Variants in RPTOR observed in about 807,000 individuals in gnomAD.
RPTOR encodes regulatory associated protein of MTOR complex 1.
RPTOR carries 21 observed loss-of-function variants against 169.9 expected under a neutral mutation model. The observed-to-expected ratio is 0.12, with a 90% CI of 0.09 to 0.18. The LOEUF is 0.18. Ranked by LOEUF, RPTOR falls within the 10% of genes least tolerant of loss-of-function variation. RPTOR has a pLI of 1.00. For synonymous variants in RPTOR, 732 were observed against 753.2 expected (o/e 0.97, Z 0.46); for missense variants, 1,133 against 1,855.9 (o/e 0.61, Z 7.16).
chr17:80,884,546 A>G (rs943469705), intron 16 of RPTOR, among the ~76,000 whole-genome samples: 1 of 152,182 alleles, frequency 6.6e-6, no homozygotes, highest in Non-Finnish European at 1.5e-5. Context: ...GGGCTAAGCC[A>G]GGGTCCCCGG....
chr17:80,608,736 G>A (rs908848472), intron 1 of RPTOR, among the ~76,000 whole-genome samples: 7 of 152,170 alleles, frequency 4.6e-5, no homozygotes, highest in South Asian at 4.1e-4. Flanking sequence ...GTGATGGTGC[G>A]CTGAGGCCCA....
At position 80,885,139 on chromosome 17, in the gene RPTOR, G is replaced by T. The variant is rs1480395492; in HGVS notation, c.1974G>T (p.Met658Ile). The T allele has an allele frequency of 2.6e-6, 4 of 1,555,418 alleles. No individual in the cohort carries two copies. The highest frequency in any genetic ancestry group is 3.5e-6 in the Non-Finnish European group (4 of 1,149,604). Residue 658 changes from methionine (M) to isoleucine (I), a missense_variant, in exon 17 of 34, where the codon ATG becomes ATT. Met to Ile is a conservative substitution (Grantham distance 10). Transcript: ENST00000306801. Reference protein sequence around the residue: ...LAQLVSDGSPMVRKELVVALS... With the variant: ...LAQLVSDGSPIVRKELVVALS... ...AGCTGGTCAGCGACGGGAGCCCCAT[G>T]GTCCGGAAGGTGCGTGAACCCCCAG...
chr17:80,902,856 C>A (rs539023295), intron 20 of RPTOR, among the ~76,000 whole-genome samples: 1 of 152,384 alleles, frequency 6.6e-6, no homozygotes, highest in Non-Finnish European at 1.5e-5. Context: ...CCTTCCCTCC[C>A]GAAACCCTGC....
Position 80,860,608 on chromosome 17 carries a change from C to T in RPTOR, c.1509+2708C>T, listed in dbSNP as rs1598359041. Among the ~76,000 whole-genome samples the T allele has an allele frequency of 6.6e-6, 1 of 152,060 alleles. No individual in the cohort carries two copies. Among genetic ancestry groups the T allele is most frequent in the Non-Finnish European group, 1.5e-5 (1 of 68,006 alleles). Reference sequence around the variant, plus strand: ...GTGGGGAGGCTGCTGCCGAAGCGGACGGTGAGGGCTTCCACCTTGGAGGCA... The same window carrying T: ...GTGGGGAGGCTGCTGCCGAAGCGGATGGTGAGGGCTTCCACCTTGGAGGCA... On this transcript the variant is annotated intron_variant, in intron 13 of 33. Coordinates refer to ENST00000306801, the MANE Select transcript of RPTOR (RefSeq NM_020761.3). This position sits in a 1 kb window ranked among gnomAD's most constrained non-coding sequence, Gnocchi z 5.8.
chr17:80,891,105 A>G (rs968314200), intron 17 of RPTOR, among the ~76,000 whole-genome samples: 1 of 152,220 alleles, frequency 6.6e-6, no homozygotes, highest in Non-Finnish European at 1.5e-5. Flanking sequence ...TTCCTGTCAC[A>G]GCACTGAACT....
intron 1 of RPTOR, among the ~76,000 whole-genome samples, chr17:80,577,530 C>T (rs1197643281): frequency 6.6e-6 from 1 of 151,928 alleles, no homozygotes; most frequent in African/African-American, 2.4e-5. Flanking sequence ...CCCCCTGCCT[C>T]GGCCTCCCAA....
chr17:80,923,345 A>C, intron 22 of RPTOR, 145 bp from the exon 23 acceptor site: 1 of 854,048 alleles, frequency 1.2e-6, no homozygotes, highest in Non-Finnish European at 1.9e-6. Context: ...TTCGGGAGCC[A>C]TGATGGCATG....
intron 1 of RPTOR, among the ~76,000 whole-genome samples, chr17:80,623,595 G>A (rs1599609946): frequency 6.6e-6 from 1 of 151,962 alleles, no homozygotes; most frequent in African/African-American, 2.4e-5. Context: ...GAGTGCAGTG[G>A]TACCGTCTCG....
At chr17:80,593,206 G>A (rs1203568213) in intron 1 of RPTOR, 2 of 153,554 alleles carry the variant, frequency 1.3e-5, no homozygotes, top group Non-Finnish European at 2.9e-5. Context: ...ATTGTTGCCA[G>A]TGATAAAAAT....
intron 3 of RPTOR, among the ~76,000 whole-genome samples, chr17:80,670,691 C>T (rs1318712929): frequency 6.6e-6 from 1 of 152,198 alleles, no homozygotes; most frequent in East Asian, 1.9e-4. Flanking sequence ...CACACGCATT[C>T]AGCTCTGGTA....
At chr17:80,917,843 C>T (rs1049070350) in intron 21 of RPTOR, among the ~76,000 whole-genome samples, 1 of 152,130 alleles carries the variant, frequency 6.6e-6, no homozygotes, top group African/African-American at 2.4e-5. Flanking sequence ...ACGTCCAGCC[C>T]CTGAAGGCCG....
At chr17:80,832,526 A>G (rs1159525568) in intron 9 of RPTOR, among the ~76,000 whole-genome samples, 1 of 152,170 alleles carries the variant, frequency 6.6e-6, no homozygotes, top group Non-Finnish European at 1.5e-5. Context: ...GTTCCTTAAC[A>G]AGGGCAGGGA....
intron 20 of RPTOR, among the ~76,000 whole-genome samples, chr17:80,907,677 C>T (rs1205922439): frequency 2.6e-5 from 4 of 152,256 alleles, no homozygotes; most frequent in Non-Finnish European, 5.9e-5. Flanking sequence ...GCCTCCACCC[C>T]ACAATCTCTG....
chr17:80,730,493 C>T lies in RPTOR; in HGVS notation c.508-67C>T. 6.4e-7 allele frequency: 1 copy of T among 1,555,026 alleles called. No homozygotes were observed. The highest frequency in any genetic ancestry group is 8.8e-7 in the Non-Finnish European group (1 of 1,130,376). ...AATGTGTGTGCCTTTTGTAACGGTGCAGTACTCACCAGCAGCCCATATTCC... is the reference window on the plus strand; with the variant it reads ...AATGTGTGTGCCTTTTGTAACGGTGTAGTACTCACCAGCAGCCCATATTCC... On this transcript the variant is annotated intron_variant, in intron 4 of 33. Coordinates refer to ENST00000306801, the MANE Select transcript of RPTOR (RefSeq NM_020761.3). This position sits in a 1 kb window ranked among gnomAD's most constrained non-coding sequence, Gnocchi z 4.2.
At chr17:80,906,879 A>G (rs2068550008) in intron 20 of RPTOR, among the ~76,000 whole-genome samples, 1 of 152,002 alleles carries the variant, frequency 6.6e-6, no homozygotes, top group South Asian at 2.1e-4. Flanking sequence ...TTCAGGAGCC[A>G]CGGGCATGGG....
At chr17:80,634,571 C>CTG (rs748949476) in intron 2 of RPTOR, among the ~76,000 whole-genome samples, 3 of 71,100 alleles carry the variant, frequency 4.2e-5, no homozygotes, top group East Asian at 4.8e-4. Context: ...TGTGTGCATA[C>CTG]TGTGTGTGTG....
chr17:80,585,209 T>C (rs1011374559), intron 1 of RPTOR, among the ~76,000 whole-genome samples: 4 of 144,664 alleles, frequency 2.8e-5, no homozygotes, highest in African/African-American at 1.0e-4. Flanking sequence ...ATTATTTTTG[T>C]TTTTTTTTTT....
chr17:80,700,680 A>AGGTGATGGTGAT (rs2066085509), intron 3 of RPTOR, among the ~76,000 whole-genome samples: 1 of 10,754 alleles, frequency 9.3e-5, no homozygotes, highest in African/African-American at 4.3e-4. Flanking sequence ...GTGATGATGG[A>AGGTGATGGTGAT]GGTGGTGGTG....
chr17:80,945,378 G>A (rs2069088520), intron 25 of RPTOR, among the ~76,000 whole-genome samples: 1 of 152,062 alleles, frequency 6.6e-6, no homozygotes, highest in Non-Finnish European at 1.5e-5. Context: ...AGATCACAAG[G>A]TCAGGAGATC....
Sources: allele counts gnomAD v4.1 joint callset (sites outside exome capture counted in the v4.1 genomes callset), GRCh38; gene constraint gnomAD v4.1.1; non-coding constraint Gnocchi (gnomAD v3.1); transcripts MANE v1.5; gene names NCBI Gene and HGNC (gene_info 2026-07-23, HGNC 2026-07-21).